Variants in PRDM16 observed in about 807,000 individuals in gnomAD.
PRDM16 encodes PR/SET domain 16.
PRDM16 carries 23 observed loss-of-function variants against 110.6 expected under a neutral mutation model. That is an observed-to-expected ratio of 0.21 (90% CI 0.15 to 0.29). The LOEUF (loss-of-function observed/expected upper bound fraction) is 0.29, where lower values mean the gene tolerates loss of function less well. Among genes scored for constraint, PRDM16 ranks in the 10% least tolerant of loss-of-function variants. The pLI is 1.00. For missense variants in PRDM16, 1,615 were observed against 1,794.3 expected, an observed-to-expected ratio of 0.90 and a Z score of 1.81; for synonymous variants, 799 against 781.8, an observed-to-expected ratio of 1.02 and a Z score of -0.37.
At chr1:3,405,032 C>T (rs905709925) in intron 7 of PRDM16, 146 bp downstream of exon 7, 3 of 812,238 alleles carry the variant, frequency 3.7e-6, no homozygotes, top group Non-Finnish European at 5.7e-6. Flanking sequence ...GGCTCGGGCC[C>T]TTCCGTGTGA....
chr1:3,198,067 C>T lies in PRDM16; in HGVS notation c.387+11593C>T, dbSNP rs562097426. Among the ~76,000 whole-genome samples, 6 of 152,296 alleles carry T rather than the reference C, an allele frequency of 3.9e-5. No individual in the cohort carries two copies. The South Asian group carries it at 6.2e-4, about 16-fold the overall frequency. ...AGGGTGACGCAACTGCTCACAGGCC[C>T]GCTGAGGGGCAGCGACCTGAGGACA... On this transcript the variant is annotated intron_variant, in intron 2 of 16. Coordinates refer to ENST00000270722, the MANE Select transcript of PRDM16 (RefSeq NM_022114.4).
In PRDM16 at chr1:3,080,123, C is replaced by T. The variant is rs1024895885; in HGVS notation, c.37+10827C>T. Among the ~76,000 whole-genome samples, 4 of 152,194 alleles carry T rather than the reference C, an allele frequency of 2.6e-5. No individual in the cohort carries two copies. Among genetic ancestry groups the T allele is most frequent in the South Asian group, 2.1e-4 (1 of 4,832 alleles). On this transcript the variant is annotated intron_variant, in intron 1 of 16. Coordinates refer to ENST00000270722, the MANE Select transcript of PRDM16 (RefSeq NM_022114.4). The surrounding 1 kb of genome is among the most constrained non-coding windows in gnomAD (Gnocchi z 5.2). ...CCCCTGAGAAGAAACAAAGAGGAAACGAGGCTGTTTAGATAATCCCGGGCC... is the reference window on the plus strand; with the variant it reads ...CCCCTGAGAAGAAACAAAGAGGAAATGAGGCTGTTTAGATAATCCCGGGCC...
At chr1:3,269,463 C>T (rs1640377463) in intron 3 of PRDM16, among the ~76,000 whole-genome samples, 1 of 141,900 alleles carries the variant, frequency 7.0e-6, no homozygotes, top group South Asian at 2.3e-4. Flanking sequence ...GGGAGGAGGA[C>T]AGTCCCAGAG....
chr1:3,248,822 GTGGGCGTTTTCTATAGCCCGGC>G (rs1185363286), intron 3 of PRDM16, among the ~76,000 whole-genome samples: 1 of 152,256 alleles, frequency 6.6e-6, no homozygotes, highest in East Asian at 1.9e-4. Context: ...GGGCTGTTCT[GTGGGCGTTTTCTATAGCCCGGC>G]CCGGGCAAAA....
intron 2 of PRDM16, among the ~76,000 whole-genome samples, chr1:3,198,479 T>G (rs2100822339): frequency 6.6e-6 from 1 of 152,342 alleles, no homozygotes; most frequent in African/African-American, 2.4e-5. Context: ...GAGCGTGGTC[T>G]CTTCTTGCTT....
At chr1:3,109,956 G>A (rs182298577) in intron 1 of PRDM16, among the ~76,000 whole-genome samples, 2 of 151,676 alleles carry the variant, frequency 1.3e-5, no homozygotes, top group African/African-American at 2.4e-5. Context: ...GCTCCCCTAT[G>A]TCCTGGGTGT....
chr1:3,153,810 A>C (rs78241606), intron 1 of PRDM16, among the ~76,000 whole-genome samples: 1 of 152,274 alleles, frequency 6.6e-6, no homozygotes, highest in Non-Finnish European at 1.5e-5. Context: ...AGTAATATAG[A>C]AAACGCAGTA....
Position 3,241,316 on chromosome 1 carries a change from C to A in PRDM16, c.388-2771C>A, listed in dbSNP as rs186252515. Among the ~76,000 whole-genome samples, 481 of 152,380 alleles carry A rather than the reference C, an allele frequency of 3.2e-3. 3 individuals carry two copies. Among genetic ancestry groups the A allele is most frequent in the Non-Finnish European group, 3.7e-3 (255 of 68,044 alleles). On this transcript the variant is annotated intron_variant, in intron 2 of 16. Transcript: ENST00000270722. ...GGGGGGGCTCTGCCTCTGTGCGGCT[C>A]TTCCGTGGTTCCACGCTGGGCTCCG...
rs12024930 is a variant in PRDM16 at position 3,287,621 on chromosome 1, G to C, written c.438+43484G>C. On this transcript the variant is annotated intron_variant, in intron 3 of 16. Coordinates refer to ENST00000270722, the MANE Select transcript of PRDM16 (RefSeq NM_022114.4). ...GAGCTGCCCCTGCCATGCGGGCATC[G>C]AGGATTGCATTTACCGGGGCTGGAG... Among the ~76,000 whole-genome samples, 158 of 9,314 alleles carry C rather than the reference G, an allele frequency of 0.017. 48 individuals carry two copies. The East Asian group carries it at 0.69, about 41-fold the overall frequency. The allele number at this position is 9,314 out of a possible 152,430, so 6.1% of individuals were successfully genotyped here.
chr1:3,085,809 A>G (rs1395638580), intron 1 of PRDM16, among the ~76,000 whole-genome samples: 4 of 152,316 alleles, frequency 2.6e-5, no homozygotes, highest in Non-Finnish European at 4.4e-5. Flanking sequence ...CTCAGCCAGG[A>G]CTGCCTCCTA....
chr1:3,237,135 C>T (rs1229678089), intron 2 of PRDM16, among the ~76,000 whole-genome samples: 3 of 152,140 alleles, frequency 2.0e-5, no homozygotes, highest in Non-Finnish European at 4.4e-5. Context: ...TTCCTGCAAA[C>T]TGTCCCTCCT....
intron 3 of PRDM16, among the ~76,000 whole-genome samples, chr1:3,376,068 C>T (rs531756422): frequency 1.2e-4 from 19 of 152,130 alleles, no homozygotes; most frequent in Non-Finnish European, 2.4e-4. Flanking sequence ...ACCCCAGGAG[C>T]GCCACAGCAT....
intron 10 of PRDM16, among the ~76,000 whole-genome samples, chr1:3,416,756 C>A (rs896581495): frequency 3.3e-5 from 5 of 152,214 alleles, no homozygotes; most frequent in African/African-American, 1.2e-4. Context: ...GCCCTGGGAG[C>A]ACTGGCCCCA....
rs188069653 is a variant in PRDM16 at position 3,080,014 on chromosome 1, G to A, written c.37+10718G>A. Among the ~76,000 whole-genome samples the A allele has an allele frequency of 1.1e-3, 169 of 152,360 alleles. No individual in the cohort carries two copies. The highest frequency in any genetic ancestry group is 4.0e-3 in the African/African-American group (166 of 41,586). ...CCACCCGGCCCAAAGCTGTTCTGCA[G>A]CTGGTCACTGTGGGAGAAGAGACTG... On this transcript the variant is annotated intron_variant, in intron 1 of 16. Coordinates refer to ENST00000270722, the MANE Select transcript of PRDM16 (RefSeq NM_022114.4). This position sits in a 1 kb window ranked among gnomAD's most constrained non-coding sequence, Gnocchi z 5.2.
chr1:3,086,537 C>T (rs1436859251), intron 1 of PRDM16, among the ~76,000 whole-genome samples: 1 of 152,110 alleles, frequency 6.6e-6, no homozygotes, highest in Non-Finnish European at 1.5e-5. Flanking sequence ...CCACTTCTGG[C>T]CTCCTCCCGC....
At chr1:3,237,270 G>C (rs929217251) in intron 2 of PRDM16, among the ~76,000 whole-genome samples, 3 of 151,938 alleles carry the variant, frequency 2.0e-5, no homozygotes. Flanking sequence ...CAACCCCAGG[G>C]CTCCTCCGTC....
chr1:3,390,928 C>T lies in PRDM16; in HGVS notation c.574-5563C>T, dbSNP rs373687207. The stretch of plus-strand genomic sequence containing the variant: ...TCGGCTCACTGCAACCTCCGCCTCC[C>T]GGGTTCAAGCGATTCTCCTGTCTCA... On this transcript the variant is annotated intron_variant, in intron 4 of 16. Transcript: ENST00000270722. This position sits in a 1 kb window ranked among gnomAD's most constrained non-coding sequence, Gnocchi z 5.0. Among the ~76,000 whole-genome samples the T allele has an allele frequency of 6.8e-4, 104 of 151,898 alleles. No individual in the cohort carries two copies. The highest frequency in any genetic ancestry group is 2.2e-3 in the African/African-American group (89 of 41,382).
At chr1:3,076,953 T>C (rs532709054) in intron 1 of PRDM16, among the ~76,000 whole-genome samples, 24 of 152,166 alleles carry the variant, frequency 1.6e-4, no homozygotes, top group African/African-American at 5.8e-4. Flanking sequence ...TCTCGGGGTA[T>C]GAAGCCCCTT....
chr1:3,253,305 C>G (rs1639979438), intron 3 of PRDM16, among the ~76,000 whole-genome samples: 1 of 151,224 alleles, frequency 6.6e-6, no homozygotes, highest in Non-Finnish European at 1.5e-5. Context: ...GTGCTGTACC[C>G]AATAACTCGT....
Sources: allele counts gnomAD v4.1 joint callset (sites outside exome capture counted in the v4.1 genomes callset), GRCh38; gene constraint gnomAD v4.1.1; non-coding constraint Gnocchi (gnomAD v3.1); transcripts MANE v1.5; gene names NCBI Gene and HGNC (gene_info 2026-07-23, HGNC 2026-07-21).